EYS: variants seen among roughly 807,000 people sequenced by gnomAD.
EYS encodes protein eyes shut homolog.
In EYS, 250 loss-of-function variants were observed where a neutral mutation model predicts 282.1. That is an observed-to-expected ratio of 0.89 (90% CI 0.80 to 0.98). The LOEUF (loss-of-function observed/expected upper bound fraction) is 0.98. Ranked by LOEUF, EYS falls within the 50% of genes least tolerant of loss-of-function variation. The probability of loss-of-function intolerance (pLI) is 0.00; values close to 1 mark genes in which losing one functional copy is unlikely to be tolerated. For synonymous variants in EYS, 1,355 were observed against 1,282.9 expected, an observed-to-expected ratio of 1.06 and a Z score of -1.20; for missense variants, 4,016 against 3,709.0, an observed-to-expected ratio of 1.08 and a Z score of -2.15.
chr6:63,889,684 C>T (rs7756381), intron 35 of EYS, among the ~76,000 whole-genome samples: 15 of 151,974 alleles, frequency 9.9e-5, no homozygotes, highest in African/African-American at 3.6e-4. Flanking sequence ...AATGTAAAGA[C>T]CATCAACACT....
At chr6:64,092,211 T>C (rs570742014) in intron 31 of EYS, among the ~76,000 whole-genome samples, 1 of 152,350 alleles carries the variant, frequency 6.6e-6, no homozygotes, top group African/African-American at 2.4e-5. Flanking sequence ...GCAATAAACA[T>C]ACGTGTGCAT....
At chr6:64,494,196 T>C (rs1776823137) in intron 26 of EYS, among the ~76,000 whole-genome samples, 1 of 151,646 alleles carries the variant, frequency 6.6e-6, no homozygotes, top group South Asian at 2.1e-4. Context: ...TTGCCTCTCA[T>C]CTGGTCTCTT....
chr6:64,906,949 CATA>C (rs1767847077), intron 16 of EYS, among the ~76,000 whole-genome samples: 1 of 152,134 alleles, frequency 6.6e-6, no homozygotes, highest in Non-Finnish European at 1.5e-5. Flanking sequence ...CACATGGTAA[CATA>C]ATAATTCTAC....
chr6:64,070,525 ATTAC>A (rs1228784458), intron 32 of EYS, among the ~76,000 whole-genome samples: 1 of 152,006 alleles, frequency 6.6e-6, no homozygotes, highest in African/African-American at 2.4e-5. Context: ...GGCTTACTTT[ATTAC>A]TTTTTCAGAA....
At chr6:64,098,507 A>G (rs1273215888) in intron 31 of EYS, among the ~76,000 whole-genome samples, 1 of 152,134 alleles carries the variant, frequency 6.6e-6, no homozygotes, top group Non-Finnish European at 1.5e-5. Flanking sequence ...AAATAAACAC[A>G]TGGATGATAA....
chr6:64,768,500 G>T (rs770514356), intron 22 of EYS, among the ~76,000 whole-genome samples: 2 of 152,040 alleles, frequency 1.3e-5, no homozygotes, highest in Non-Finnish European at 2.9e-5. Context: ...TACTTTTTTG[G>T]TCTTTAAAGA....
intron 14 of EYS, among the ~76,000 whole-genome samples, chr6:64,950,810 T>TATATAC (rs1189210053): frequency 5.9e-5 from 6 of 102,428 alleles, no homozygotes; most frequent in South Asian, 3.4e-4. Flanking sequence ...TATATATATA[T>TATATAC]ATATATATAT....
rs371229599 is a variant in EYS, at chr6:64,787,726, T to G, written c.3443+25652A>C. 3.3e-5 allele frequency among the ~76,000 whole-genome samples: 5 copies of G among 149,254 alleles called. No individual in the cohort carries two copies. In the East Asian group the frequency reaches 7.7e-4, roughly 23 times the overall value. Reference sequence around the variant, plus strand: ...TATAGATAATAATACATATATAACATTTTATAATATATATATCAGTATAAA... The same window carrying G: ...TATAGATAATAATACATATATAACAGTTTATAATATATATATCAGTATAAA... On this transcript the variant is annotated intron_variant, in intron 22 of 42. Transcript: ENST00000503581.
intron 39 of EYS, among the ~76,000 whole-genome samples, chr6:63,784,646 T>A (rs186294157): frequency 8.2e-4 from 125 of 152,056 alleles, no homozygotes; most frequent in Non-Finnish European, 1.5e-3. Flanking sequence ...CCAGATCTCA[T>A]GAGAACGCAC....
chr6:65,706,820 A>G (rs1561914931), intron 1 of EYS, among the ~76,000 whole-genome samples: 2 of 152,316 alleles, frequency 1.3e-5, no homozygotes, highest in African/African-American at 2.4e-5. Context: ...GAAAGCAATC[A>G]TAAGTACTTC....
At chr6:65,549,056 C>T (rs575955089) in intron 2 of EYS, among the ~76,000 whole-genome samples, 5 of 152,202 alleles carry the variant, frequency 3.3e-5, no homozygotes, top group African/African-American at 4.8e-5. Flanking sequence ...GGCTCTAATG[C>T]GCCCCTGACC....
intron 11 of EYS, chr6:65,330,414 T>C (rs2150310551): frequency 2.0e-6 from 2 of 984,428 alleles, no homozygotes; most frequent in South Asian, 4.7e-5. Context: ...ATTAAGAAAT[T>C]AACATCCCAG....
At chr6:65,636,999 T>C (rs1269710789) in intron 2 of EYS, among the ~76,000 whole-genome samples, 1 of 152,100 alleles carries the variant, frequency 6.6e-6, no homozygotes, top group Non-Finnish European at 1.5e-5. Context: ...TAAAAAATTT[T>C]GTAGCGATGG....
intron 22 of EYS, among the ~76,000 whole-genome samples, chr6:64,647,027 T>A (rs980798317): frequency 1.4e-4 from 21 of 152,064 alleles, no homozygotes; most frequent in Admixed American, 7.2e-4. Flanking sequence ...TAAAGTTGAT[T>A]TTTTTCTAAT....
chr6:64,838,701 T>C (rs1028218211), intron 19 of EYS, among the ~76,000 whole-genome samples: 4 of 151,802 alleles, frequency 2.6e-5, no homozygotes, highest in Non-Finnish European at 5.9e-5. Context: ...ACTGCTTATG[T>C]GATTTTATTT....
chr6:65,214,145 C>A (rs1212261295), intron 12 of EYS, among the ~76,000 whole-genome samples: 1 of 99,632 alleles, frequency 1.0e-5, no homozygotes, highest in Non-Finnish European at 1.8e-5. Flanking sequence ...GGCGACAGAG[C>A]AAGACTCCGT....
At chr6:64,561,977 A>T (rs963676367) in intron 26 of EYS, among the ~76,000 whole-genome samples, 5 of 151,500 alleles carry the variant, frequency 3.3e-5, no homozygotes, top group Non-Finnish European at 1.5e-5. Context: ...AACTGGAAGC[A>T]TTCTATTACC....
chr6:64,478,845 A>G (rs190709681), intron 26 of EYS, among the ~76,000 whole-genome samples: 55 of 151,624 alleles, frequency 3.6e-4, no homozygotes, highest in Non-Finnish European at 6.6e-4. Context: ...TTATGAATTT[A>G]TAAGGACAGA....
chr6:63,888,374 C>T (rs1004412343), intron 35 of EYS, among the ~76,000 whole-genome samples: 1 of 152,264 alleles, frequency 6.6e-6, no homozygotes, highest in African/African-American at 2.4e-5. Flanking sequence ...TTGACACACA[C>T]CTCATACAGG....
Sources: allele counts gnomAD v4.1 joint callset (sites outside exome capture counted in the v4.1 genomes callset), GRCh38; gene constraint gnomAD v4.1.1; transcripts MANE v1.5; gene names NCBI Gene and HGNC (gene_info 2026-07-23, HGNC 2026-07-21).